Variants in PRKDC observed in about 807,000 individuals in gnomAD.
PRKDC encodes the protein protein kinase, DNA-activated, catalytic subunit.
In PRKDC, 82 loss-of-function variants were observed where a neutral mutation model predicts 486.9. The ratio of observed to expected loss-of-function variants is 0.17; its 90% confidence interval spans 0.14 to 0.20. PRKDC has a LOEUF of 0.20. PRKDC is among the 10% of genes least tolerant of loss of function. The probability of loss-of-function intolerance (pLI) is 1.00; values close to 1 mark genes in which losing one functional copy is unlikely to be tolerated. For synonymous variants in PRKDC, 1,895 were observed against 1,837.0 expected (o/e 1.03, Z -0.81); for missense variants, 4,504 against 5,038.2 (o/e 0.89, Z 3.21).
chr8:47,921,338 C>T (rs941454462), intron 21 of PRKDC, among the ~76,000 whole-genome samples: 5 of 151,970 alleles, frequency 3.3e-5, no homozygotes. Flanking sequence ...CTTTTTATTT[C>T]CCAAGTAATT....
At chr8:47,931,529 A>G (rs2090253508) in intron 16 of PRKDC, among the ~76,000 whole-genome samples, 1 of 151,668 alleles carries the variant, frequency 6.6e-6, no homozygotes, top group Non-Finnish European at 1.5e-5. Context: ...TATTTTAGAC[A>G]TTTGCAAAGC....
intron 25 of PRKDC, among the ~76,000 whole-genome samples, chr8:47,907,804 CACG>C (rs2089819468): frequency 1.3e-5 from 2 of 152,042 alleles, no homozygotes; most frequent in Non-Finnish European, 2.9e-5. Flanking sequence ...TGTGTATATA[CACG>C]TGTAAAAATA....
chr8:47,781,260 G>C (rs1018671565), intron 80 of PRKDC, among the ~76,000 whole-genome samples: 2 of 152,154 alleles, frequency 1.3e-5, no homozygotes, highest in African/African-American at 2.4e-5. Context: ...CTGTCTTCCA[G>C]GGAAAGTAGA....
chr8:47,930,196 G>A (rs952828331), intron 17 of PRKDC, among the ~76,000 whole-genome samples, 184 bp from the exon 18 acceptor site: 1 of 152,132 alleles, frequency 6.6e-6, no homozygotes, highest in Non-Finnish European at 1.5e-5. Flanking sequence ...TATAAAAAAT[G>A]AAAACTGTAA....
intron 3 of PRKDC, 38 bp downstream of exon 3, chr8:47,957,133 G>T: frequency 7.6e-7 from 1 of 1,315,490 alleles, no homozygotes; most frequent in South Asian, 1.3e-5. Flanking sequence ...AACAGATGTT[G>T]ATATATAATG....
rs540373483 is a variant in PRKDC, at chr8:47,784,618, A to G, written c.11107+495T>C. On this transcript the variant is annotated intron_variant, in intron 77 of 85. Transcript: ENST00000314191. ...TTTCCTCTGAAAAAGTCACGCCTTG[A>G]AATCTGGCCAATTTGCTGTGCATCT... Among the ~76,000 whole-genome samples the G allele has an allele frequency of 8.5e-5, 13 of 152,328 alleles. No homozygotes were observed. The East Asian group carries it at 2.3e-3, about 27-fold the overall frequency.
intron 80 of PRKDC, chr8:47,779,399 A>G (rs903552527): frequency 2.2e-5 from 5 of 228,362 alleles, no homozygotes; most frequent in South Asian, 1.0e-4. Flanking sequence ...TGAACTAAAC[A>G]TAACTGTTTA....
chr8:47,854,402 G>T (rs934534150), intron 50 of PRKDC, among the ~76,000 whole-genome samples, 188 bp from the exon 51 acceptor site: 1 of 152,138 alleles, frequency 6.6e-6, no homozygotes, highest in African/African-American at 2.4e-5. Flanking sequence ...CAGTTGGCAT[G>T]ATCTCGGCTT....
intron 85 of PRKDC, among the ~76,000 whole-genome samples, chr8:47,776,641 G>A (rs1421902162): frequency 2.0e-5 from 3 of 152,192 alleles, no homozygotes; most frequent in Admixed American, 2.0e-4. Flanking sequence ...AGACAGTGCA[G>A]GGGTCACATA....
At chr8:47,921,579 A>G (rs2090072383) in intron 21 of PRKDC, among the ~76,000 whole-genome samples, 1 of 152,002 alleles carries the variant, frequency 6.6e-6, no homozygotes, top group South Asian at 2.1e-4. Context: ...GGTCATGCTA[A>G]CAGGCACGTG....
chr8:47,866,368 C>G (rs2088813492), intron 40 of PRKDC, among the ~76,000 whole-genome samples: 1 of 152,142 alleles, frequency 6.6e-6, no homozygotes, highest in Admixed American at 6.5e-5. Context: ...CTGTGCTATT[C>G]TGCTATAGCA....
chr8:47,945,083 G>C (rs942174510), intron 7 of PRKDC, among the ~76,000 whole-genome samples: 1 of 152,138 alleles, frequency 6.6e-6, no homozygotes, highest in Non-Finnish European at 1.5e-5. Context: ...GTTAATAAAC[G>C]CAAGTGTGCA....
intron 68 of PRKDC, among the ~76,000 whole-genome samples, chr8:47,813,537 T>C (rs2087378450): frequency 6.6e-6 from 1 of 152,138 alleles, no homozygotes; most frequent in African/African-American, 2.4e-5. Flanking sequence ...GTAAATCCTA[T>C]CAAATATTCA....
chr8:47,902,786 C>T lies in PRKDC; in HGVS notation c.3052G>A (p.Val1018Met), dbSNP rs376896763. ...CTTAAAGTACTGTCAACAGGGTCCA[C>T]AATTCCATCCTGAAACAAAACAAAG... ...ALLEAILDGIVDPVDSTLRDF... is the reference protein window; with the variant it reads ...ALLEAILDGIMDPVDSTLRDF... The change falls in exon 27 of 86, where the codon GTG becomes ATG. Residue 1018 changes from valine to methionine, a missense_variant. Val to Met is a conservative substitution (Grantham distance 21). Coordinates refer to ENST00000314191, the MANE Select transcript of PRKDC (RefSeq NM_006904.7). The T allele has an allele frequency of 1.2e-6, 2 of 1,600,240 alleles. No individual in the cohort carries two copies. Among genetic ancestry groups the T allele is most frequent in the Non-Finnish European group, 1.7e-6 (2 of 1,174,984 alleles).
intron 77 of PRKDC, among the ~76,000 whole-genome samples, chr8:47,784,717 T>TA (rs1258040547): frequency 4.6e-5 from 7 of 151,432 alleles, no homozygotes; most frequent in East Asian, 1.9e-4. Context: ...TTTTTTTTTT[T>TA]AAAAACTTGT....
chr8:47,944,852 G>A (rs755381194), intron 7 of PRKDC, among the ~76,000 whole-genome samples: 31 of 152,210 alleles, frequency 2.0e-4, no homozygotes, highest in Non-Finnish European at 3.8e-4. Context: ...GGTGGAGAGA[G>A]AATGTGGTCA....
rs573528798 is a variant in PRKDC at position 47,863,704 on chromosome 8, T to C, written c.5572-127A>G. 2.6e-4 allele frequency: 191 copies of C among 746,222 alleles called. 1 individual carries two copies. In the African/African-American group the frequency reaches 3.0e-3, roughly 12 times the overall value. The allele number at this position is 746,222 out of a possible 1,614,324, so 46.2% of individuals were successfully genotyped here. On this transcript the variant is annotated intron_variant, in intron 41 of 85. Transcript: ENST00000314191. ...AATTTTAACAGTCAAAAATGCTAAA[T>C]CACTTCAATAAGAAAGCATGCAATT...
chr8:47,780,294 T>C (rs1447654398), intron 80 of PRKDC, among the ~76,000 whole-genome samples: 1 of 152,224 alleles, frequency 6.6e-6, no homozygotes, highest in African/African-American at 2.4e-5. Flanking sequence ...ATTTTGTTTT[T>C]CTTTTTTCTT....
intron 7 of PRKDC, among the ~76,000 whole-genome samples, chr8:47,947,894 C>G (rs1426517006): frequency 6.6e-6 from 1 of 151,764 alleles, no homozygotes; most frequent in African/African-American, 2.4e-5. Flanking sequence ...GGTGACAGGG[C>G]AAGACTCAAG....
Sources: gnomAD v4.1 joint callset for allele counts (sites outside exome capture counted in the v4.1 genomes callset) on GRCh38, gnomAD v4.1.1 for gene constraint, MANE v1.5 for transcripts, NCBI Gene and HGNC (gene_info 2026-07-23, HGNC 2026-07-21) for gene names.